SPG11: variants seen among roughly 807,000 people sequenced by gnomAD.
SPG11 encodes the protein spatacsin.
A neutral mutation model predicts 274.0 loss-of-function variants in SPG11; 222 were observed. The observed-to-expected ratio is 0.81, with a 90% CI of 0.73 to 0.91. The LOEUF is 0.91. Ranked by LOEUF, SPG11 falls within the 40% of genes least tolerant of loss-of-function variation. The pLI is 0.00. For missense variants in SPG11, 3,114 were observed against 2,872.7 expected, an observed-to-expected ratio of 1.08 and a Z score of -1.92; for synonymous variants, 1,144 against 1,039.7, an observed-to-expected ratio of 1.10 and a Z score of -1.93.
intron 3 of SPG11, 36 bp downstream of exon 3, chr15:44,659,043 C>T (rs1206959552): frequency 6.9e-6 from 11 of 1,594,956 alleles, no homozygotes; most frequent in Non-Finnish European, 9.5e-6. Flanking sequence ...TTCTTCTCCT[C>T]TACGTATCAA....
intron 7 of SPG11, among the ~76,000 whole-genome samples, chr15:44,639,487 T>G (rs541582775): frequency 6.6e-6 from 1 of 151,978 alleles, no homozygotes; most frequent in Admixed American, 6.6e-5. Context: ...GAGGATTGCT[T>G]GAGCTAGGAA....
chr15:44,654,908 A>T (rs1222074689), intron 4 of SPG11, among the ~76,000 whole-genome samples: 1 of 152,266 alleles, frequency 6.6e-6, no homozygotes. Context: ...TGTACATGAT[A>T]CCATTCGAAG....
At chr15:44,600,702 ACT>A (rs748054788) in intron 20 of SPG11, 70 bp from the exon 21 acceptor site, 1 of 1,502,344 alleles carries the variant, frequency 6.7e-7, no homozygotes. Flanking sequence ...TGCACATGGA[ACT>A]CTCTAATGAT....
chr15:44,569,198 T>C (rs141859474), intron 35 of SPG11, among the ~76,000 whole-genome samples, 200 bp downstream of exon 35: 19 of 150,926 alleles, frequency 1.3e-4, no homozygotes, highest in Non-Finnish European at 2.1e-4. Context: ...AAAAAAAATA[T>C]ATGGCATCAG....
At chr15:44,615,631 C>T in intron 15 of SPG11, 65 bp from the exon 16 acceptor site, 4 of 1,409,150 alleles carry the variant, frequency 2.8e-6, no homozygotes, top group Non-Finnish European at 4.0e-6. Context: ...CCAAATCATG[C>T]CCACAGTTTA....
intron 7 of SPG11, among the ~76,000 whole-genome samples, chr15:44,647,075 T>C (rs868751254): frequency 4.7e-4 from 72 of 152,126 alleles, no homozygotes; most frequent in African/African-American, 1.7e-3. Context: ...ATCCAGAATA[T>C]ATACACAACT....
At chr15:44,599,859 C>A (rs2083139215) in intron 21 of SPG11, among the ~76,000 whole-genome samples, 1 of 151,964 alleles carries the variant, frequency 6.6e-6, no homozygotes, top group Non-Finnish European at 1.5e-5. Context: ...TCATATAATT[C>A]CCTTTTTTTA....
intron 30 of SPG11, 38 bp from the exon 31 acceptor site, chr15:44,575,079 G>A: frequency 6.2e-7 from 1 of 1,612,120 alleles, no homozygotes; most frequent in Non-Finnish European, 8.5e-7. Flanking sequence ...TCTAAGCTGG[G>A]AGGTTCTGGC....
chr15:44,617,301 T>G (rs1434772850), intron 15 of SPG11, among the ~76,000 whole-genome samples: 1 of 152,258 alleles, frequency 6.6e-6, no homozygotes, highest in East Asian at 1.9e-4. Flanking sequence ...ACTCCCAAGG[T>G]TGTGAAGATA....
In SPG11 at chr15:44,562,964, A is replaced by T. The variant is rs2082222737; in HGVS notation, c.*157T>A. ...TATTTTAAATAGGAATTTCCTCCTG[A>T]AAAGTTTCTTACTTGCTACCTACTA... On this transcript the variant is annotated 3_prime_UTR_variant, in exon 40 of 40. Coordinates refer to ENST00000261866, the MANE Select transcript of SPG11 (RefSeq NM_025137.4). 1.2e-5 allele frequency: 8 copies of T among 659,966 alleles called. 1 individual carries two copies. The South Asian group carries it at 1.5e-4, about 12-fold the overall frequency. 40.9% of individuals were successfully genotyped at this position (659,966 alleles called of 1,614,324 possible). A position where few individuals can be genotyped will look rare whatever the true frequency, so the allele number is the denominator to read the frequency against.
intron 30 of SPG11, among the ~76,000 whole-genome samples, chr15:44,576,840 TG>T (rs1437416834): frequency 6.6e-6 from 1 of 152,064 alleles, no homozygotes; most frequent in Non-Finnish European, 1.5e-5. Flanking sequence ...TGGCTTTTTT[TG>T]TGTGTGATGA....
intron 30 of SPG11, 73 bp downstream of exon 30, chr15:44,583,741 G>C: frequency 1.2e-6 from 2 of 1,601,060 alleles, no homozygotes; most frequent in Non-Finnish European, 1.7e-6. Context: ...CTGCCACAAG[G>C]GTCCCTTCCT....
Position 44,584,378 on chromosome 15 carries a change from TG to T in SPG11, c.5301del (p.Ser1767ArgfsTer71). On this transcript the variant is annotated frameshift_variant, in exon 30 of 40. Transcript: ENST00000261866. LOFTEE classifies it high-confidence loss of function. ...AGCAGCAGATGGCGCTCCTCCATGC[TG>T]CTCCATCCAGTTGGGTGCTCACATG... ...HVACEHPTGW[S>X]SMEERHLLLT... 6.2e-7 allele frequency: 1 copy of T among 1,613,520 alleles called. No individual in the cohort carries two copies. The highest frequency in any genetic ancestry group is 8.5e-7 in the Non-Finnish European group (1 of 1,179,570).
In SPG11 at chr15:44,600,469, C is replaced by G. The variant is rs759965980; in HGVS notation, c.3684G>C (p.Gln1228His). Residue 1228 changes from glutamine (Q) to histidine (H), a missense_variant and splice_region_variant, in exon 21 of 40, where the codon CAG becomes CAC. Gln to His is a conservative substitution (Grantham distance 24, BLOSUM62 0). Coordinates refer to ENST00000261866, the MANE Select transcript of SPG11 (RefSeq NM_025137.4). Reference sequence around the variant, plus strand: ...AAAATTATATTTTAAATACTCACAGCTGCTTGGGAGTCTTGCTCTTGATTA... The same window carrying G: ...AAAATTATATTTTAAATACTCACAGGTGCTTGGGAGTCTTGCTCTTGATTA... ...QELIKSKTPKQLIQQVGNEAY... is the reference protein window; with the variant it reads ...QELIKSKTPKHLIQQVGNEAY... 1 of 1,613,920 alleles carries G rather than the reference C, an allele frequency of 6.2e-7. No individual in the cohort carries two copies. The highest frequency in any genetic ancestry group is 8.5e-7 in the Non-Finnish European group (1 of 1,179,916).
intron 14 of SPG11, 30 bp downstream of exon 14, chr15:44,621,729 T>G (rs769637421): frequency 1.9e-6 from 3 of 1,598,306 alleles, no homozygotes; most frequent in Non-Finnish European, 2.6e-6. Context: ...TCATTCAGTA[T>G]GTTCATATTT....
intron 30 of SPG11, among the ~76,000 whole-genome samples, chr15:44,583,478 A>G (rs1281420182): frequency 1.3e-5 from 2 of 152,142 alleles, no homozygotes; most frequent in Non-Finnish European, 2.9e-5. Flanking sequence ...AAAACAAAAA[A>G]CCAAAAAGAA....
intron 7 of SPG11, among the ~76,000 whole-genome samples, chr15:44,646,969 C>G (rs1227733343): frequency 1.3e-5 from 2 of 151,950 alleles, no homozygotes; most frequent in Non-Finnish European, 2.9e-5. Context: ...TACCCCTGAA[C>G]CTAAAATAAA....
chr15:44,563,828 G>C (rs2082250376), intron 39 of SPG11, among the ~76,000 whole-genome samples: 1 of 152,144 alleles, frequency 6.6e-6, no homozygotes, highest in Non-Finnish European at 1.5e-5. Context: ...TGTCAGCTCT[G>C]AAGTACCACT....
chr15:44,641,224 G>A lies in SPG11; in HGVS notation c.1603-7587C>T, dbSNP rs1003343730. Reference sequence around the variant, plus strand: ...GCAGGAGAATGGCTTGAACCTGGGAGGCAGAGATTGCTGTGAGCTGAGATC... The same window carrying A: ...GCAGGAGAATGGCTTGAACCTGGGAAGCAGAGATTGCTGTGAGCTGAGATC... On this transcript the variant is annotated intron_variant, in intron 7 of 39. Transcript: ENST00000261866. 2.0e-5 allele frequency among the ~76,000 whole-genome samples: 3 copies of A among 152,042 alleles called. No individual in the cohort carries two copies. The East Asian group carries it at 5.8e-4, about 29-fold the overall frequency.
Sources: gnomAD v4.1 joint callset for allele counts (sites outside exome capture counted in the v4.1 genomes callset) on GRCh38, gnomAD v4.1.1 for gene constraint, MANE v1.5 for transcripts, NCBI Gene and HGNC (gene_info 2026-07-23, HGNC 2026-07-21) for gene names.